Variants in CCDC83 observed in about 807,000 individuals in gnomAD.
The protein encoded by CCDC83 is coiled-coil domain-containing protein 83.
In CCDC83, 54 loss-of-function variants were observed where a neutral mutation model predicts 50.1. The ratio of observed to expected loss-of-function variants is 1.08; its 90% confidence interval spans 0.87 to 1.35. The LOEUF is 1.35. CCDC83 is among the 40% of genes most tolerant of loss of function. CCDC83 has a pLI of 0.00. For synonymous variants in CCDC83, 161 were observed against 153.3 expected (o/e 1.05, Z -0.37); for missense variants, 518 against 473.9 (o/e 1.09, Z -0.86).
chr11:85,878,754 C>G (rs1318047616), intron 3 of CCDC83, among the ~76,000 whole-genome samples: 1 of 151,594 alleles, frequency 6.6e-6, no homozygotes, highest in Non-Finnish European at 1.5e-5. Context: ...GAAACTTGAA[C>G]TACTTTCCAA....
intron 2 of CCDC83, among the ~76,000 whole-genome samples, chr11:85,867,564 C>A (rs888429302): frequency 6.6e-6 from 1 of 152,162 alleles, no homozygotes; most frequent in African/African-American, 2.4e-5. Flanking sequence ...TAACTAATAA[C>A]TAGATACTAT....
chr11:85,906,462 A>G (rs1436126382), intron 7 of CCDC83, among the ~76,000 whole-genome samples: 1 of 152,206 alleles, frequency 6.6e-6, no homozygotes, highest in Non-Finnish European at 1.5e-5. Flanking sequence ...GGCTGTTTTC[A>G]TGACTTGACT....
At chr11:85,873,556 A>G (rs1209911681) in intron 3 of CCDC83, among the ~76,000 whole-genome samples, 2 of 152,166 alleles carry the variant, frequency 1.3e-5, no homozygotes, top group African/African-American at 4.8e-5. Context: ...CTTAACTTCA[A>G]AATTTTAAAG....
At chr11:85,862,019 A>AG (rs2093179051) in intron 1 of CCDC83, among the ~76,000 whole-genome samples, 1 of 148,120 alleles carries the variant, frequency 6.8e-6, no homozygotes, top group African/African-American at 2.5e-5. Context: ...AAAAAAAAAA[A>AG]AAGAGAGTCA....
intron 3 of CCDC83, among the ~76,000 whole-genome samples, chr11:85,882,132 A>C (rs1401696446): frequency 1.4e-5 from 2 of 145,570 alleles, no homozygotes; most frequent in Non-Finnish European, 3.1e-5. Context: ...CTCTAAAAAA[A>C]CAAAAATAAT....
intron 3 of CCDC83, among the ~76,000 whole-genome samples, chr11:85,873,592 CTTT>C (rs1315448257): frequency 6.6e-6 from 1 of 152,128 alleles, no homozygotes; most frequent in Non-Finnish European, 1.5e-5. Flanking sequence ...TATCTTTTGA[CTTT>C]TTATTTAACC....
intron 4 of CCDC83, among the ~76,000 whole-genome samples, chr11:85,882,981 G>A (rs1270655410): frequency 2.0e-5 from 3 of 152,104 alleles, no homozygotes; most frequent in South Asian, 2.1e-4. Flanking sequence ...GCAGTGGTGC[G>A]ATCTCAGCTT....
chr11:85,917,164 G>T (rs4944547), intron 10 of CCDC83, among the ~76,000 whole-genome samples: 1 of 76,530 alleles, frequency 1.3e-5, no homozygotes, highest in Admixed American at 1.6e-4. Flanking sequence ...GAGAGAGAGA[G>T]AGAGAAAGAA....
At chr11:85,857,551 A>G (rs555583433) in intron 1 of CCDC83, among the ~76,000 whole-genome samples, 1 of 152,266 alleles carries the variant, frequency 6.6e-6, no homozygotes, top group South Asian at 2.1e-4. Context: ...CTTCAAGGAG[A>G]CCATGATTGG....
At chr11:85,899,067 T>C (rs1268523576) in intron 7 of CCDC83, 52 bp downstream of exon 7, 1 of 1,303,304 alleles carries the variant, frequency 7.7e-7, no homozygotes, top group South Asian at 1.2e-5. Context: ...TTTTTTTAAG[T>C]GGAAATGACT....
At chr11:85,919,054 G>T (rs2093496253) in intron 10 of CCDC83, among the ~76,000 whole-genome samples, 1 of 152,122 alleles carries the variant, frequency 6.6e-6, no homozygotes, top group African/African-American at 2.4e-5. Flanking sequence ...ACTAACTATA[G>T]CCAGCATCCC....
chr11:85,900,450 T>C (rs2093395719), intron 7 of CCDC83, among the ~76,000 whole-genome samples: 1 of 152,194 alleles, frequency 6.6e-6, no homozygotes, highest in Non-Finnish European at 1.5e-5. Flanking sequence ...TCTTGCCTTC[T>C]CATCCTTTGG....
chr11:85,904,808 C>A (rs2093417682), intron 7 of CCDC83, among the ~76,000 whole-genome samples: 1 of 152,194 alleles, frequency 6.6e-6, no homozygotes, highest in African/African-American at 2.4e-5. Context: ...TCAGCTTCTA[C>A]TCTTTCCTTT....
At chr11:85,872,078 G>A (rs1048749919) in intron 2 of CCDC83, among the ~76,000 whole-genome samples, 2 of 151,702 alleles carry the variant, frequency 1.3e-5, no homozygotes, top group Admixed American at 6.6e-5. Flanking sequence ...TCAGCCTCCC[G>A]AGTAGCTAGA....
intron 3 of CCDC83, among the ~76,000 whole-genome samples, chr11:85,875,340 G>A (rs766853086): frequency 3.9e-5 from 6 of 152,240 alleles, no homozygotes; most frequent in Non-Finnish European, 8.8e-5. Flanking sequence ...TTTCCAGCTT[G>A]AAGGTTGGAT....
chr11:85,867,269 C>G (rs371802975), intron 2 of CCDC83, among the ~76,000 whole-genome samples: 1 of 152,032 alleles, frequency 6.6e-6, no homozygotes, highest in African/African-American at 2.4e-5. Context: ...TGGCCTCAAG[C>G]GATCCTCCTG....
chr11:85,898,908 A>G, intron 6 of CCDC83, 39 bp from the exon 7 acceptor site: 1 of 1,362,750 alleles, frequency 7.3e-7, no homozygotes, highest in Non-Finnish European at 1.0e-6. Context: ...GTGAATCAGC[A>G]TGTGGCAACT....
intron 3 of CCDC83, among the ~76,000 whole-genome samples, chr11:85,881,758 A>C (rs11234459): frequency 0.061 from 9,216 of 152,136 alleles, 460 homozygotes; most frequent in African/African-American, 0.14. Flanking sequence ...CCTGTATGCT[A>C]ATTGTTTTTC....
In CCDC83 at chr11:85,897,611, A is replaced by G. The variant is rs113837967; in HGVS notation, c.604-1336A>G. Reference sequence around the variant, plus strand: ...GGCTTCTGGATTTTTCAAAGCTTCTAGGAGATTCAAATGTGTAACTAAGGT... The same window carrying G: ...GGCTTCTGGATTTTTCAAAGCTTCTGGGAGATTCAAATGTGTAACTAAGGT... On this transcript the variant is annotated intron_variant, in intron 6 of 10. Coordinates refer to ENST00000342404, the MANE Select transcript of CCDC83 (RefSeq NM_001286159.2). Among the ~76,000 whole-genome samples, 109 of 152,268 alleles carry G rather than the reference A, an allele frequency of 7.2e-4. 1 individual carries two copies. Among genetic ancestry groups the G allele is most frequent in the African/African-American group, 2.5e-3 (104 of 41,546 alleles).
Sources: allele counts gnomAD v4.1 joint callset (sites outside exome capture counted in the v4.1 genomes callset), GRCh38; gene constraint gnomAD v4.1.1; transcripts MANE v1.5; gene names NCBI Gene and HGNC (gene_info 2026-07-23, HGNC 2026-07-21).